Variants in GASK1A observed in about 807,000 individuals in gnomAD.
The protein encoded by GASK1A is golgi associated kinase 1A.
Under a neutral mutation model 41.2 loss-of-function variants are expected in GASK1A, and 40 were observed. The ratio of observed to expected loss-of-function variants is 0.97; its 90% CI spans 0.75 to 1.27. GASK1A has a LOEUF of 1.27. GASK1A is among the 50% of genes most tolerant of loss of function. The pLI, the probability that GASK1A is intolerant of heterozygous loss-of-function variation, is 0.00. For missense variants in GASK1A, 678 were observed against 745.1 expected (o/e 0.91, Z 1.05); for synonymous variants, 316 against 307.1 (o/e 1.03, Z -0.30).
chr3:43,016,908 G>T (rs2089494295), intron 1 of GASK1A, among the ~76,000 whole-genome samples: 1 of 105,480 alleles, frequency 9.5e-6, no homozygotes, highest in South Asian at 2.8e-4. Flanking sequence ...CCATGAAGGG[G>T]CTGTGTGAAG....
Position 43,032,352 on chromosome 3 carries a change from T to C in GASK1A, c.89T>C (p.Val30Ala). The C allele has an allele frequency of 6.4e-7, 1 of 1,551,498 alleles. No homozygotes were observed. The highest frequency in any genetic ancestry group is 8.7e-7 in the Non-Finnish European group (1 of 1,146,816). ...CLLMILSAMA[V>A]TRFPPQRPSA... ...TTGATGATCCTATCTGCGATGGCTG[T>C]CACCCGCTTTCCCCCACAGCGTCCA... Residue 30 changes from valine (V) to alanine (A), a missense_variant, in exon 2 of 5, where the codon GTC becomes GCC. Physicochemically the swap from Val to Ala is moderately conservative, Grantham distance 64. Transcript: ENST00000430121.
At chr3:43,053,185 T>C (rs959063086) in intron 2 of GASK1A, among the ~76,000 whole-genome samples, 20 of 152,192 alleles carry the variant, frequency 1.3e-4, no homozygotes, top group African/African-American at 4.8e-4. Flanking sequence ...TGATGTGGAA[T>C]CTCCCTAGGT....
chr3:42,995,752 G>A (rs1424331237), intron 1 of GASK1A, among the ~76,000 whole-genome samples: 1 of 152,206 alleles, frequency 6.6e-6, no homozygotes, highest in Non-Finnish European at 1.5e-5. Context: ...CTTCTTCTCT[G>A]AGGTTGCATC....
chr3:42,986,008 T>C (rs531000775), intron 1 of GASK1A, among the ~76,000 whole-genome samples: 1 of 152,298 alleles, frequency 6.6e-6, no homozygotes, highest in Non-Finnish European at 1.5e-5. Context: ...TGAAAACATA[T>C]GTCTACAAAA....
intron 2 of GASK1A, among the ~76,000 whole-genome samples, chr3:43,052,089 C>T (rs1260337786): frequency 6.6e-6 from 1 of 152,194 alleles, no homozygotes; most frequent in Non-Finnish European, 1.5e-5. Context: ...TGACTTTCAC[C>T]ACCATCTGGG....
intron 2 of GASK1A, among the ~76,000 whole-genome samples, chr3:43,035,068 T>C (rs1256033600): frequency 6.6e-6 from 1 of 152,190 alleles, no homozygotes; most frequent in Non-Finnish European, 1.5e-5. Context: ...ATCAAGAGCA[T>C]GGGCCTTGGC....
intron 1 of GASK1A, among the ~76,000 whole-genome samples, chr3:43,004,994 C>G (rs2089428869): frequency 6.6e-6 from 1 of 152,212 alleles, no homozygotes; most frequent in Non-Finnish European, 1.5e-5. Flanking sequence ...AGGCCACCTG[C>G]ATTCCTTGGC....
At chr3:43,037,459 T>A in intron 2 of GASK1A, 1 of 715,102 alleles carries the variant, frequency 1.4e-6, no homozygotes, top group Non-Finnish European at 2.4e-6. Flanking sequence ...TAAACTTACT[T>A]TTTATAGAGA....
At chr3:42,988,503 G>C (rs1456611539) in intron 1 of GASK1A, among the ~76,000 whole-genome samples, 3 of 152,160 alleles carry the variant, frequency 2.0e-5, no homozygotes, top group Non-Finnish European at 2.9e-5. Flanking sequence ...AGAGAGAAAG[G>C]GAGAGAAAAA....
chr3:42,997,443 G>GT (rs879346426), intron 1 of GASK1A, among the ~76,000 whole-genome samples: 4 of 151,924 alleles, frequency 2.6e-5, no homozygotes, highest in South Asian at 2.1e-4. Flanking sequence ...AGAGAGGGGG[G>GT]GGGGATCTGG....
At chr3:43,001,777 G>T (rs1478161842) in intron 1 of GASK1A, among the ~76,000 whole-genome samples, 1 of 152,206 alleles carries the variant, frequency 6.6e-6, no homozygotes, top group Non-Finnish European at 1.5e-5. Flanking sequence ...TCTGGAGGCA[G>T]TCAAGTTTGC....
At chr3:43,001,273 A>AC (rs2089407622) in intron 1 of GASK1A, among the ~76,000 whole-genome samples, 1 of 151,824 alleles carries the variant, frequency 6.6e-6, no homozygotes, top group Non-Finnish European at 1.5e-5. Context: ...AAGGAGCGAA[A>AC]CCCTTCCAGC....
chr3:43,036,834 A>G (rs896104612), intron 2 of GASK1A, among the ~76,000 whole-genome samples: 2 of 152,204 alleles, frequency 1.3e-5, no homozygotes, highest in Admixed American at 6.5e-5. Flanking sequence ...ACAGCTTAAG[A>G]GAGGACCCTG....
intron 1 of GASK1A, among the ~76,000 whole-genome samples, chr3:43,029,497 T>C (rs541571583): frequency 1.2e-4 from 18 of 152,124 alleles, no homozygotes; most frequent in Middle Eastern, 6.8e-3. Context: ...AGAGCTAGAA[T>C]CACTGGGTAT....
intron 1 of GASK1A, among the ~76,000 whole-genome samples, chr3:43,019,547 C>T (rs901409115): frequency 6.6e-6 from 1 of 152,160 alleles, no homozygotes; most frequent in Non-Finnish European, 1.5e-5. Context: ...CCCTTTCACC[C>T]CAGCCATAGT....
At chr3:42,997,535 G>A (rs902735667) in intron 1 of GASK1A, among the ~76,000 whole-genome samples, 1 of 152,074 alleles carries the variant, frequency 6.6e-6, no homozygotes, top group Non-Finnish European at 1.5e-5. Flanking sequence ...TCTCCCAGGG[G>A]CCTCTCCTCC....
chr3:43,008,655 C>T (rs1445141689), intron 1 of GASK1A, among the ~76,000 whole-genome samples: 1 of 152,236 alleles, frequency 6.6e-6, no homozygotes, highest in Non-Finnish European at 1.5e-5. Context: ...TGCCAGGCAT[C>T]TGCCCAGGAA....
rs189862952 is a variant in GASK1A at position 42,988,229 on chromosome 3, C to A, written c.3+8584C>A. Among the ~76,000 whole-genome samples, 371 of 152,230 alleles carry A rather than the reference C, an allele frequency of 2.4e-3. 3 individuals are homozygous for A. The highest frequency in any genetic ancestry group is 8.8e-3 in the African/African-American group (364 of 41,554). ...CTTCCTAGCCCAACTTCTCCTCCTG[C>A]CATGAGCTTGGAATTCTGCTAAGTG... On this transcript the variant is annotated intron_variant, in intron 1 of 4. Transcript: ENST00000430121.
At chr3:42,997,040 G>A (rs1241079815) in intron 1 of GASK1A, among the ~76,000 whole-genome samples, 1 of 152,258 alleles carries the variant, frequency 6.6e-6, no homozygotes, top group Admixed American at 6.5e-5. Flanking sequence ...CATAGGCCGA[G>A]CAGTTTCAGA....
Sources: gnomAD v4.1 joint callset for allele counts (sites outside exome capture counted in the v4.1 genomes callset) on GRCh38, gnomAD v4.1.1 for gene constraint, MANE v1.5 for transcripts, NCBI Gene and HGNC (gene_info 2026-07-23, HGNC 2026-07-21) for gene names.